TDRKH: variants seen among roughly 807,000 people sequenced by gnomAD.
The protein encoded by TDRKH is tudor and KH domain-containing protein.
TDRKH carries 28 observed loss-of-function variants against 61.3 expected under a neutral mutation model. The ratio of observed to expected loss-of-function variants is 0.46; its 90% confidence interval spans 0.34 to 0.63. The LOEUF is 0.63. TDRKH is among the 20% of genes least tolerant of loss of function. The probability of loss-of-function intolerance (pLI) is 0.01; values close to 1 mark genes in which losing one functional copy is unlikely to be tolerated. For missense variants in TDRKH, 540 were observed against 683.4 expected (o/e 0.79, Z 2.34); for synonymous variants, 219 against 244.4 (o/e 0.90, Z 0.97).
rs754017981 is a variant in TDRKH, at chr1:151,775,543, C to T, written c.1283G>A (p.Gly428Asp). The T allele has an allele frequency of 1.2e-6, 2 of 1,612,238 alleles. No homozygotes were observed. The highest frequency in any genetic ancestry group is 2.2e-5 in the South Asian group (2 of 90,706). Residue 428 changes from glycine to aspartate, a missense_variant and splice_region_variant, in exon 10 of 13, where the codon GGT (glycine) becomes GAT (aspartate). By Grantham distance (94) the Gly-to-Asp change is moderately conservative (BLOSUM62 -1). This residue lies in a region of TDRKH where 379 missense variants were observed against 443.8 expected (regional missense o/e 0.85). Transcript: ENST00000368824. ...ECSLARIAPSGDQWEEEALDE... is the reference protein window; with the variant it reads ...ECSLARIAPSDDQWEEEALDE... ...CAAAGCTTCCTCTTCCCACTGGTCA[C>T]CTGGCAAAAGATTGTAGGGGTTACT...
Position 151,780,060 on chromosome 1 carries a change from A to G in TDRKH, c.312T>C (p.Phe104=), listed in dbSNP as rs1649601154. ...GDERVLLISG[F]PVQVCKAKAA... ...CTTTGGCCTTGCACACCTGAACAGG[A>G]AAACCACTGATAAGCAGCACTCGCT... is the stretch of plus-strand genomic sequence containing the variant. The change falls in exon 4 of 13, where the codon TTT becomes TTC. Residue 104 remains phenylalanine, a synonymous_variant. Coordinates refer to ENST00000368824, the MANE Select transcript of TDRKH (RefSeq NM_001083965.2). 6.2e-7 allele frequency: 1 copy of G among 1,614,190 alleles called. No homozygotes were observed. Among genetic ancestry groups the G allele is most frequent in the Non-Finnish European group, 8.5e-7 (1 of 1,180,016 alleles).
chr1:151,785,529 T>C (rs1014327691), intron 1 of TDRKH, among the ~76,000 whole-genome samples: 2 of 152,196 alleles, frequency 1.3e-5, no homozygotes, highest in African/African-American at 4.8e-5. Flanking sequence ...AGAGATAATG[T>C]GTTGAGTAGC....
chr1:151,778,707 G>C lies in TDRKH; in HGVS notation c.861C>G (p.Ile287Met), dbSNP rs775119878. 1 of 1,613,446 alleles carries C rather than the reference G, an allele frequency of 6.2e-7. No individual in the cohort carries two copies. Among genetic ancestry groups the C allele is most frequent in the East Asian group, 2.2e-5 (1 of 44,892 alleles). ...DSFQKSEAQA[I>M]PEMPMFEIPS... Reference sequence around the variant, plus strand: ...TACTTTCAAACATGGGCATCTCTGGGATGGCCTGGGCTTCAGACTTCTGAA... The same window carrying C: ...TACTTTCAAACATGGGCATCTCTGGCATGGCCTGGGCTTCAGACTTCTGAA... The change falls in exon 6 of 13, where the codon ATC becomes ATG. Residue 287 changes from isoleucine (I) to methionine (M), a missense_variant. Ile to Met is a conservative substitution (Grantham distance 10). This residue lies in a region of TDRKH where 379 missense variants were observed against 443.8 expected (regional missense o/e 0.85). Coordinates refer to ENST00000368824, the MANE Select transcript of TDRKH (RefSeq NM_001083965.2).
rs775999596 is a variant in TDRKH at position 151,775,509 on chromosome 1, A to G, written c.1317T>C (p.Phe439=). 6.2e-7 allele frequency: 1 copy of G among 1,613,782 alleles called. No individual in the cohort carries two copies. Among genetic ancestry groups the G allele is most frequent in the South Asian group, 1.1e-5 (1 of 90,984 alleles). Residue 439 remains phenylalanine, a synonymous_variant, in exon 10 of 13, where the codon TTT becomes TTC. Coordinates refer to ENST00000368824, the MANE Select transcript of TDRKH (RefSeq NM_001083965.2). ...AGTCAGCACAATGAGTGAGTCTATC[A>G]AACTCATCCAAAGCTTCCTCTTCCC... ...DQWEEEALDE[F]DRLTHCADWK... is the part of the protein sequence containing the mutation.
chr1:151,776,500 G>A lies in TDRKH; in HGVS notation c.983C>T (p.Ser328Phe). The A allele has an allele frequency of 6.2e-7, 1 of 1,614,196 alleles. No homozygotes were observed. The highest frequency in any genetic ancestry group is 2.2e-5 in the East Asian group (1 of 44,890). The change falls in exon 7 of 13, where the codon TCC (serine) becomes TTC (phenylalanine). Residue 328 changes from serine to phenylalanine, a missense_variant. Around this residue, in one of 3 missense-constraint regions of TDRKH, gnomAD observed 379 missense variants for 443.8 expected, o/e 0.85. Transcript: ENST00000368824. Reference protein sequence around the residue: ...PNHFWIQIVGSRSLQLDKLVN... With the variant: ...PNHFWIQIVGFRSLQLDKLVN... ...AAGCTTATCCAATTGCAGGCTGCGG[G>A]AGCCAACGATCTGGATCCAGAAGTG...
At position 151,780,132 on chromosome 1, in the gene TDRKH, T is replaced by TC; in HGVS notation, c.239_240insG (p.Gln81ThrfsTer7). ...CCACATCAATCCGAGCACCTGTCTGTTTCCGCAGCTGCAAAGAAAAGGACA... is the reference window on the plus strand; with the variant it reads ...CCACATCAATCCGAGCACCTGTCTGTCTTCCGCAGCTGCAAAGAAAAGGACA... On this transcript the variant is annotated frameshift_variant, in exon 4 of 13. Transcript: ENST00000368824. LOFTEE classifies it high-confidence loss of function. The TC allele has an allele frequency of 6.2e-7, 1 of 1,610,280 alleles. No individual in the cohort carries two copies. Among genetic ancestry groups the TC allele is most frequent in the Non-Finnish European group, 8.5e-7 (1 of 1,176,740 alleles).
rs776849662 is a variant in TDRKH at position 151,778,766 on chromosome 1, C to T, written c.802G>A (p.Glu268Lys). The T allele has an allele frequency of 1.9e-6, 3 of 1,614,230 alleles. No individual in the cohort carries two copies. The South Asian group carries it at 3.3e-5, about 18-fold the overall frequency. ...GGDMAVVVSKEGSWEKPSDDS... is the reference protein window; with the variant it reads ...GGDMAVVVSKKGSWEKPSDDS... Reference sequence around the variant, plus strand: ...TCACTAGGTTTCTCCCAGGAACCTTCCTTTGACACTACCACAGCCATGTCG... The same window carrying T: ...TCACTAGGTTTCTCCCAGGAACCTTTCTTTGACACTACCACAGCCATGTCG... The change falls in exon 6 of 13, where the codon GAA becomes AAA. Residue 268 changes from glutamate (E) to lysine (K), a missense_variant. By Grantham distance (56) the Glu-to-Lys change is moderately conservative. This residue lies in a region of TDRKH where 379 missense variants were observed against 443.8 expected (regional missense o/e 0.85). Transcript: ENST00000368824.
rs888027077 is a variant in TDRKH at position 151,775,375 on chromosome 1, G to A, written c.1434+17C>T. The stretch of plus-strand genomic sequence containing the variant: ...ATACTGAAGATATGGCAAGCAGTGA[G>A]TGAATGCCAGTCTTACCTTCCCATT... On this transcript the variant is annotated intron_variant, in intron 10 of 12. Transcript: ENST00000368824. 5.0e-6 allele frequency: 8 copies of A among 1,605,628 alleles called. No individual in the cohort carries two copies. Among genetic ancestry groups the A allele is most frequent in the Non-Finnish European group, 6.8e-6 (8 of 1,176,784 alleles).
chr1:151,771,175 C>A (rs559541189), downstream of TDRKH: 20 of 1,613,512 alleles, frequency 1.2e-5, no homozygotes, highest in Non-Finnish European at 1.6e-5. Flanking sequence ...TATGGTGTAT[C>A]CCCTTGAAAG....
intron 3 of TDRKH, 149 bp downstream of exon 3, chr1:151,781,331 AT>A (rs36118417): frequency 0.48 from 57,044 of 118,178 alleles, 12,326 homozygotes; most frequent in Admixed American, 0.56. Flanking sequence ...AAAAAAAAAT[AT>A]ATATATATAT....
chr1:151,783,076 G>C, intron 1 of TDRKH, 27 bp from the exon 2 acceptor site: 1 of 1,590,472 alleles, frequency 6.3e-7, no homozygotes, highest in Non-Finnish European at 8.5e-7. Context: ...AGGGAAAAGA[G>C]GGAGGTTTCA....
In TDRKH at chr1:151,775,069, T is replaced by C; in HGVS notation, c.1532A>G (p.Asp511Gly). 2 of 1,614,128 alleles carry C rather than the reference T, an allele frequency of 1.2e-6. No individual in the cohort carries two copies. Among genetic ancestry groups the C allele is most frequent in the South Asian group, 1.1e-5 (1 of 91,062 alleles). Residue 511 changes from aspartate (D) to glycine (G), a missense_variant, in exon 11 of 13, where the codon GAC (aspartate) becomes GGC (glycine). By Grantham distance (94) the Asp-to-Gly change is moderately conservative (BLOSUM62 -1). Coordinates refer to ENST00000368824, the MANE Select transcript of TDRKH (RefSeq NM_001083965.2). The part of the protein sequence containing the change: ...ENRAVPDMLK[D>G]MATETDASLS... ...TATATAACTACAATAGCTCACCATG[T>C]CCTTCAACATGTCTGGGACAGCTCT...
At chr1:151,767,089 G>T, downstream of TDRKH, 1 of 1,565,890 alleles carries the variant, frequency 6.4e-7, no homozygotes, top group South Asian at 1.2e-5. Context: ...AGAAGATCAT[G>T]CCAGAGCCTG....
At position 151,780,153 on chromosome 1, in the gene TDRKH, G is replaced by A. The variant is rs534133522; in HGVS notation, c.232-13C>T. On this transcript the variant is annotated splice_polypyrimidine_tract_variant and intron_variant, in intron 3 of 12. Coordinates refer to ENST00000368824, the MANE Select transcript of TDRKH (RefSeq NM_001083965.2). ...TCTGTTTCCGCAGCTGCAAAGAAAA[G>A]GACATTTGGCAGTACATTCTGGAAG... 6.2e-7 allele frequency: 1 copy of A among 1,605,762 alleles called. No homozygotes were observed. The highest frequency in any genetic ancestry group is 2.2e-5 in the East Asian group (1 of 44,626).
In TDRKH at chr1:151,776,153, T is replaced by C; in HGVS notation, c.1160A>G (p.Tyr387Cys). The C allele has an allele frequency of 6.2e-7, 1 of 1,614,038 alleles. No individual in the cohort carries two copies. Among genetic ancestry groups the C allele is most frequent in the Non-Finnish European group, 8.5e-7 (1 of 1,180,002 alleles). Residue 387 changes from tyrosine to cysteine, a missense_variant, in exon 8 of 13, where the codon TAT becomes TGT. Physicochemically the swap from Tyr to Cys is radical, Grantham distance 194. Transcript: ENST00000368824. ...TCCATTATCTCCAAAGTCAACAAAA[T>C]AGAGGTCCAAGTTCCCATTCTCCAA... is the stretch of plus-strand genomic sequence containing the variant. Reference protein sequence around the residue: ...GTLENGNLDLYFVDFGDNGDC... With the variant: ...GTLENGNLDLCFVDFGDNGDC...
chr1:151,767,272 C>A (rs1648399023), downstream of TDRKH: 2 of 1,613,946 alleles, frequency 1.2e-6, no homozygotes, highest in Non-Finnish European at 1.7e-6. Context: ...AGCAGGGTAA[C>A]CACGACCAGC....
chr1:151,767,727 A>G (rs915041501), downstream of TDRKH, among the ~76,000 whole-genome samples: 1 of 152,222 alleles, frequency 6.6e-6, no homozygotes, highest in Non-Finnish European at 1.5e-5. Flanking sequence ...GGAAATTATT[A>G]GTGAGAAAGG....
chr1:151,771,167 T>G, downstream of TDRKH: 1 of 1,613,864 alleles, frequency 6.2e-7, no homozygotes, highest in Non-Finnish European at 8.5e-7. Flanking sequence ...GTCATCTTTA[T>G]GGTGTATCCC....
At chr1:151,766,744 CCT>C (rs765823361), downstream of TDRKH, 44 of 1,554,906 alleles carry the variant, frequency 2.8e-5, no homozygotes, top group African/African-American at 3.8e-4. Context: ...AGGTGTCGCC[CCT>C]CTGTCTACTC....
Sources: gnomAD v4.1 joint callset for allele counts (sites outside exome capture counted in the v4.1 genomes callset) on GRCh38, gnomAD v4.1.1 for gene constraint, gnomAD v4.1.1 regional missense constraint, MANE v1.5 for transcripts, NCBI Gene and HGNC (gene_info 2026-07-23, HGNC 2026-07-21) for gene names.